ROBO2: variants seen among roughly 807,000 people sequenced by gnomAD.
ROBO2 encodes the protein roundabout guidance receptor 2.
A neutral mutation model predicts 160.8 loss-of-function variants in ROBO2; 53 were observed. That is an observed-to-expected ratio of 0.33 (90% confidence interval 0.26 to 0.41). The LOEUF is 0.41. Among genes scored for constraint, ROBO2 ranks in the 10% least tolerant of loss-of-function variants. The pLI, the probability that ROBO2 is intolerant of heterozygous loss-of-function variation, is 1.00. For missense variants in ROBO2, 1,577 were observed against 1,722.4 expected (o/e 0.92, Z 1.49); for synonymous variants, 664 against 611.7 (o/e 1.09, Z -1.26).
intron 2 of ROBO2, among the ~76,000 whole-genome samples, chr3:77,026,088 C>T (rs1041148988): frequency 3.9e-5 from 6 of 152,174 alleles, no homozygotes; most frequent in Admixed American, 1.3e-4. Flanking sequence ...TCAGTCTCTG[C>T]CTCTCTGCTT....
intron 2 of ROBO2, among the ~76,000 whole-genome samples, chr3:77,447,825 T>C (rs977346340): frequency 1.3e-5 from 2 of 152,140 alleles, no homozygotes; most frequent in African/African-American, 4.8e-5. Flanking sequence ...TTGTCTTGTT[T>C]TAATTATAGT....
intron 2 of ROBO2, among the ~76,000 whole-genome samples, chr3:76,423,985 T>G (rs1377800151): frequency 6.6e-6 from 1 of 152,218 alleles, no homozygotes; most frequent in Non-Finnish European, 1.5e-5. Context: ...GGACTTTGGC[T>G]TGAGGTCCAT....
intron 2 of ROBO2, among the ~76,000 whole-genome samples, chr3:77,155,051 G>T (rs2077881418): frequency 6.7e-6 from 1 of 150,262 alleles, no homozygotes; most frequent in Admixed American, 6.6e-5. Flanking sequence ...TTAAATTTGG[G>T]AAAATAAATA....
chr3:77,585,296 G>A (rs780235374), intron 16 of ROBO2, among the ~76,000 whole-genome samples: 3 of 150,652 alleles, frequency 2.0e-5, no homozygotes, highest in South Asian at 2.1e-4. Context: ...ACAAGCATAC[G>A]ATATAACCAA....
intron 6 of ROBO2, among the ~76,000 whole-genome samples, chr3:77,528,223 G>A (rs2091347504): frequency 6.6e-6 from 1 of 151,568 alleles, no homozygotes; most frequent in African/African-American, 2.4e-5. Context: ...ACATGTAAAT[G>A]AATAGATGGA....
chr3:75,931,411 G>A (rs1463436981), intron 1 of ROBO2, among the ~76,000 whole-genome samples: 1 of 152,026 alleles, frequency 6.6e-6, no homozygotes, highest in Non-Finnish European at 1.5e-5. Context: ...GAGTGCAGTG[G>A]CACAATCTTG....
chr3:77,234,111 C>G (rs1206420953), intron 2 of ROBO2, among the ~76,000 whole-genome samples: 1 of 152,064 alleles, frequency 6.6e-6, no homozygotes, highest in African/African-American at 2.4e-5. Flanking sequence ...GGGTTTTTGC[C>G]TTTGGAAATT....
intron 2 of ROBO2, among the ~76,000 whole-genome samples, chr3:76,753,587 G>A (rs2060800687): frequency 2.0e-5 from 3 of 151,602 alleles, no homozygotes; most frequent in Admixed American, 2.0e-4. Flanking sequence ...TTTCTTCAAA[G>A]GAAACAAAAA....
At chr3:76,132,402 G>GGA (rs1553653735) in intron 2 of ROBO2, among the ~76,000 whole-genome samples, 1 of 62,650 alleles carries the variant, frequency 1.6e-5, no homozygotes, top group Non-Finnish European at 5.2e-5. Flanking sequence ...GTTGGGGGGG[G>GGA]GGGGGGACGC....
chr3:77,433,486 G>GTATATATATA lies in ROBO2; in HGVS notation c.389-43904_389-43895dup, dbSNP rs57475227. ...GATTTTCCTTCTTCTCTGGCAACTT[G>GTATATATATA]TATATATATATATATATATATATAT... On this transcript the variant is annotated intron_variant, in intron 2 of 25. Transcript: ENST00000461745. 2.0e-3 allele frequency among the ~76,000 whole-genome samples: 194 copies of GTATATATATA among 99,384 alleles called. 3 individuals are homozygous for GTATATATATA. Among genetic ancestry groups the GTATATATATA allele is most frequent in the Middle Eastern group, 0.012 (2 of 164 alleles). 65.2% of individuals were successfully genotyped at this position (99,384 alleles called of 152,430 possible).
intron 2 of ROBO2, among the ~76,000 whole-genome samples, chr3:76,086,536 A>G (rs1047529853): frequency 6.6e-6 from 1 of 152,144 alleles, no homozygotes. Context: ...CACAGGCTCA[A>G]CAAAATACTA....
intron 2 of ROBO2, among the ~76,000 whole-genome samples, chr3:77,417,486 A>C (rs2077351181): frequency 6.6e-6 from 1 of 152,088 alleles, no homozygotes; most frequent in Admixed American, 6.6e-5. Context: ...ATTTCCAAGA[A>C]CTTCAATAAA....
At chr3:75,910,574 G>GAC in intron 1 of ROBO2, among the ~76,000 whole-genome samples, 1 of 152,210 alleles carries the variant, frequency 6.6e-6, no homozygotes, top group South Asian at 2.1e-4. Flanking sequence ...CCTTTGTAGT[G>GAC]ACATTGATGG....
At chr3:76,032,783 C>A (rs2066969463) in intron 2 of ROBO2, among the ~76,000 whole-genome samples, 1 of 151,930 alleles carries the variant, frequency 6.6e-6, no homozygotes, top group Non-Finnish European at 1.5e-5. Flanking sequence ...TCTTACATTT[C>A]TAATGTAAAA....
chr3:76,675,990 T>TA (rs1262757099), intron 2 of ROBO2, among the ~76,000 whole-genome samples: 3 of 152,300 alleles, frequency 2.0e-5, no homozygotes, highest in East Asian at 1.9e-4. Context: ...ATTAAGTGGA[T>TA]ACGGTGAATT....
intron 2 of ROBO2, among the ~76,000 whole-genome samples, chr3:76,088,926 G>A (rs1040478121): frequency 1.3e-5 from 2 of 151,828 alleles, no homozygotes; most frequent in African/African-American, 4.8e-5. Flanking sequence ...ACAAAAAACT[G>A]GTTATTTGGA....
In ROBO2 at chr3:76,668,253, C is replaced by T. The variant is rs950578576; in HGVS notation, c.110-429761C>T. ...TAGCTGGGACTATAGGAATGTGCTA[C>T]CACGCCCAGCTATTAAAAAAAAATT... On this transcript the variant is annotated intron_variant, in intron 2 of 26. Transcript: ENST00000487694. Among the ~76,000 whole-genome samples, 6 of 144,036 alleles carry T rather than the reference C, an allele frequency of 4.2e-5. No homozygotes were observed. The South Asian group carries it at 9.4e-4, about 23-fold the overall frequency. 94.5% of individuals were successfully genotyped at this position (144,036 alleles called of 152,430 possible).
At chr3:75,915,237 A>T (rs1946763214) in intron 1 of ROBO2, among the ~76,000 whole-genome samples, 1 of 152,232 alleles carries the variant, frequency 6.6e-6, no homozygotes, top group Admixed American at 6.5e-5. Context: ...ACAGAAAGAA[A>T]TGATGGCTTT....
At chr3:76,286,861 C>T (rs1708529787) in intron 2 of ROBO2, among the ~76,000 whole-genome samples, 1 of 152,132 alleles carries the variant, frequency 6.6e-6, no homozygotes, top group African/African-American at 2.4e-5. Flanking sequence ...GGCCTTGTGA[C>T]TTCCTTTAGG....
Sources: gnomAD v4.1 joint callset for allele counts (sites outside exome capture counted in the v4.1 genomes callset) on GRCh38, gnomAD v4.1.1 for gene constraint, MANE v1.5 for transcripts, NCBI Gene and HGNC (gene_info 2026-07-23, HGNC 2026-07-21) for gene names.